FBF1: variants seen among roughly 807,000 people sequenced by gnomAD.
FBF1 encodes fas-binding factor 1.
FBF1 carries 119 observed loss-of-function variants against 147.2 expected under a neutral mutation model. The observed-to-expected ratio is 0.81, with a 90% confidence interval of 0.70 to 0.94. The LOEUF is 0.94. Ranked by LOEUF, FBF1 falls within the 40% of genes least tolerant of loss-of-function variation. FBF1 has a pLI of 0.00. For synonymous variants in FBF1, 601 were observed against 609.0 expected (o/e 0.99, Z 0.19); for missense variants, 1,449 against 1,500.8 (o/e 0.97, Z 0.57).
At position 75,921,468 on chromosome 17, in the gene FBF1, A is replaced by C. The variant is rs2065525857; in HGVS notation, c.1615+4T>G. The C allele has an allele frequency of 1.2e-6, 2 of 1,611,602 alleles. No individual in the cohort carries two copies. Among genetic ancestry groups the C allele is most frequent in the African/African-American group, 2.7e-5 (2 of 75,030 alleles). Reference sequence around the variant, plus strand: ...CCAAATGAAGCAGCAAACAAAAAACAAACCAGTGGCTGAGAGGTCTCCAGG... The same window carrying C: ...CCAAATGAAGCAGCAAACAAAAAACCAACCAGTGGCTGAGAGGTCTCCAGG... On this transcript the variant is annotated splice_donor_region_variant and intron_variant, in intron 16 of 29. Transcript: ENST00000636174.
chr17:75,915,524 C>A (rs1032640575), intron 23 of FBF1, among the ~76,000 whole-genome samples: 1 of 152,222 alleles, frequency 6.6e-6, no homozygotes, highest in South Asian at 2.1e-4. Flanking sequence ...CAGCCACACA[C>A]AGCACAAGGC....
At position 75,909,610 on chromosome 17, in the gene FBF1, TCAGTTTCTG is replaced by T; in HGVS notation, c.*1104_*1112del. 2.0e-6 allele frequency: 1 copy of T among 510,114 alleles called. No individual in the cohort carries two copies. Among genetic ancestry groups the T allele is most frequent in the South Asian group, 3.6e-5 (1 of 27,778 alleles). 31.6% of individuals were successfully genotyped at this position (510,114 alleles called of 1,614,324 possible). The stretch of plus-strand genomic sequence containing the variant: ...GCAGGTTATTTAATCTCCCCGGGCC[TCAGTTTCTG>T]CATGTTTGAAGCAGGGCTAATAGTA... On this transcript the variant is annotated 3_prime_UTR_variant, in exon 30 of 30. Coordinates refer to ENST00000636174, the MANE Select transcript of FBF1 (RefSeq NM_001319193.2).
chr17:75,923,671 G>C lies in FBF1; in HGVS notation c.969-30C>G, dbSNP rs776179431. 40 of 1,543,198 alleles carry C rather than the reference G, an allele frequency of 2.6e-5. No individual in the cohort carries two copies. The highest frequency in any genetic ancestry group is 3.5e-5 in the Non-Finnish European group (40 of 1,142,764). ...AAGACAGAAAGGAGGGTGTCAGGCA[G>C]GGGAAACAGCCAGTCCCAGTGGCCC... On this transcript the variant is annotated intron_variant, in intron 13 of 29. Transcript: ENST00000636174. This position sits in a 1 kb window ranked among gnomAD's most constrained non-coding sequence, Gnocchi z 4.1.
intron 11 of FBF1, 43 bp from the exon 12 acceptor site, chr17:75,926,206 G>C (rs1214804011): frequency 6.2e-7 from 1 of 1,604,306 alleles, no homozygotes; most frequent in African/African-American, 1.3e-5. Flanking sequence ...GGTATGAGGG[G>C]CTCTCGGGAA....
Position 75,913,761 on chromosome 17 carries a change from G to T in FBF1, c.3188C>A (p.Pro1063His), listed in dbSNP as rs776524607. Reference protein sequence around the residue: ...LQLDRARQDLPSSLVGLFPRA... With the variant: ...LQLDRARQDLHSSLVGLFPRA... ...GGGGAACAGACCCACGAGGCTAGAG[G>T]GCAGGTCCTGTCGTGCGCGGTCCAG... Residue 1063 changes from proline to histidine, a missense_variant, in exon 28 of 30, where the codon CCC (proline) becomes CAC (histidine). Transcript: ENST00000636174. The T allele has an allele frequency of 2.5e-6, 4 of 1,604,678 alleles. No individual in the cohort carries two copies. The African/African-American group carries it at 4.0e-5, about 16-fold the overall frequency.
In FBF1 at chr17:75,925,539, C is replaced by T; in HGVS notation, c.869-93G>A. The T allele has an allele frequency of 8.9e-7, 1 of 1,118,978 alleles. No individual in the cohort carries two copies. Among genetic ancestry groups the T allele is most frequent in the African/African-American group, 1.6e-5 (1 of 64,076 alleles). The allele number at this position is 1,118,978 out of a possible 1,614,324, so 69.3% of individuals were successfully genotyped here. ...TTCTAACAAAAGCTGAATTTGGTAGCTTGTTGTGTAAGACAAGCAGAGGGA... is the reference window on the plus strand; with the variant it reads ...TTCTAACAAAAGCTGAATTTGGTAGTTTGTTGTGTAAGACAAGCAGAGGGA... On this transcript the variant is annotated intron_variant, in intron 12 of 29. Transcript: ENST00000636174. The surrounding 1 kb of genome is among the most constrained non-coding windows in gnomAD (Gnocchi z 5.0).
At chr17:75,913,289 C>T (rs1202959707) in intron 28 of FBF1, among the ~76,000 whole-genome samples, 10 of 151,558 alleles carry the variant, frequency 6.6e-5, no homozygotes, top group Admixed American at 3.3e-4. Context: ...GCTGGGATTA[C>T]GGGCACCTGC....
chr17:75,921,988 T>G lies in FBF1; in HGVS notation c.1483A>C (p.Thr495Pro), dbSNP rs778254557. 70 of 1,551,494 alleles carry G rather than the reference T, an allele frequency of 4.5e-5. No homozygotes were observed. Among genetic ancestry groups the G allele is most frequent in the Non-Finnish European group, 5.9e-5 (68 of 1,146,982 alleles). ...EHAAAGGSSG[T>P]TARERPCVRP... Reference sequence around the variant, plus strand: ...ACACACGGTCTTTCTCGTGCAGTTGTTCCAGAACTCCCTCCAGCAGCTGCG... The same window carrying G: ...ACACACGGTCTTTCTCGTGCAGTTGGTCCAGAACTCCCTCCAGCAGCTGCG... The change falls in exon 15 of 30, where the codon ACA becomes CCA. Residue 495 changes from threonine to proline, a missense_variant. Physicochemically the swap from Thr to Pro is conservative, Grantham distance 38. Transcript: ENST00000636174.
At chr17:75,926,672 C>T (rs1439513093) in intron 10 of FBF1, 86 bp downstream of exon 10, 6 of 1,529,852 alleles carry the variant, frequency 3.9e-6, no homozygotes, top group Non-Finnish European at 5.3e-6. Flanking sequence ...CTGGGAGAGG[C>T]CTCTGGTTCT....
At position 75,922,185 on chromosome 17, in the gene FBF1, TCTC is replaced by T; in HGVS notation, c.1425-142_1425-140del. On this transcript the variant is annotated intron_variant, in intron 14 of 29. Coordinates refer to ENST00000636174, the MANE Select transcript of FBF1 (RefSeq NM_001319193.2). The surrounding 1 kb of genome is among the most constrained non-coding windows in gnomAD (Gnocchi z 5.0). ...CTTCCACCATCCCGTCTTGGGGCAT[TCTC>T]CTCCCACGTCTGAGCTCCTGGGATT... The T allele has an allele frequency of 4.5e-6, 3 of 659,782 alleles. No homozygotes were observed. The East Asian group carries it at 8.5e-5, about 19-fold the overall frequency. The allele number at this position is 659,782 out of a possible 1,614,324, so 40.9% of individuals were successfully genotyped here.
chr17:75,927,847 A>G (rs1353634227), intron 8 of FBF1, among the ~76,000 whole-genome samples: 1 of 152,188 alleles, frequency 6.6e-6, no homozygotes, highest in Non-Finnish European at 1.5e-5. Flanking sequence ...TGTTGGACCC[A>G]GAGGGCCTGG....
intron 6 of FBF1, 86 bp from the exon 7 acceptor site, chr17:75,930,133 C>A: frequency 9.3e-7 from 1 of 1,075,556 alleles, no homozygotes; most frequent in Admixed American, 2.0e-5. Context: ...CCCCTTGCTT[C>A]TGTTAGGGCA....
intron 5 of FBF1, 86 bp from the exon 6 acceptor site, chr17:75,931,375 G>C: frequency 8.3e-7 from 1 of 1,211,664 alleles, no homozygotes; most frequent in Admixed American, 2.0e-5. Flanking sequence ...GAAAGCCCAA[G>C]GAATCTCGGA....
In FBF1 at chr17:75,914,038, T is replaced by C. The variant is rs761938623; in HGVS notation, c.3004A>G (p.Lys1002Glu). ...AATGCCCGCTCCCCCTCCTCGTACTTCTCGGAGGCCACCTGCAGGGAGGCC... is the reference window on the plus strand; with the variant it reads ...AATGCCCGCTCCCCCTCCTCGTACTCCTCGGAGGCCACCTGCAGGGAGGCC... ...VESMSKVASEKYEEGERALRE... is the reference protein window; with the variant it reads ...VESMSKVASEEYEEGERALRE... The change falls in exon 27 of 30, where the codon AAG becomes GAG. Residue 1002 changes from lysine (K) to glutamate (E), a missense_variant. Coordinates refer to ENST00000636174, the MANE Select transcript of FBF1 (RefSeq NM_001319193.2). 1.1e-4 allele frequency: 168 copies of C among 1,589,634 alleles called. No individual in the cohort carries two copies. The highest frequency in any genetic ancestry group is 1.3e-4 in the Non-Finnish European group (158 of 1,175,100).
rs2065585411 is a variant in FBF1, at chr17:75,930,057, CA to C, written c.229-11del. 6.5e-7 allele frequency: 1 copy of C among 1,529,978 alleles called. No individual in the cohort carries two copies. The highest frequency in any genetic ancestry group is 2.0e-5 in the Admixed American group (1 of 50,914). 94.8% of individuals were successfully genotyped at this position (1,529,978 alleles called of 1,614,324 possible). A position where few individuals can be genotyped will look rare whatever the true frequency, so the allele number is the denominator to read the frequency against. ...CTGAGATACCTGAAACCTAAGTCCA[CA>C]ATGAGGGTGAGGACACAGATGAGGA... On this transcript the variant is annotated splice_polypyrimidine_tract_variant and intron_variant, in intron 6 of 29. Coordinates refer to ENST00000636174, the MANE Select transcript of FBF1 (RefSeq NM_001319193.2).
At chr17:75,939,245 G>A (rs1011274674) in intron 1 of FBF1, among the ~76,000 whole-genome samples, 10 of 145,966 alleles carry the variant, frequency 6.9e-5, no homozygotes, top group Non-Finnish European at 8.9e-5. Context: ...GCAGTGAGCC[G>A]AGATCGCCCC....
In FBF1 at chr17:75,926,069, T is replaced by G; in HGVS notation, c.829A>C (p.Arg277=). 1.2e-6 allele frequency: 2 copies of G among 1,612,606 alleles called. No individual in the cohort carries two copies. The highest frequency in any genetic ancestry group is 4.5e-5 in the East Asian group (2 of 44,872). The change falls in exon 12 of 30, where the codon AGG becomes CGG. Residue 277 remains arginine, a synonymous_variant. Coordinates refer to ENST00000636174, the MANE Select transcript of FBF1 (RefSeq NM_001319193.2). ...LLARPGTGEH[R]EFKLDKKYQR... is the part of the protein sequence containing the mutation. ...TACTTCTTGTCTAGCTTGAACTCCC[T>G]GTGCTCCCCGGTGCCCGGGCGGGCC...
chr17:75,912,362 G>T, intron 28 of FBF1, 55 bp from the exon 29 acceptor site: 2 of 1,381,766 alleles, frequency 1.4e-6, no homozygotes, highest in East Asian at 2.5e-5. Context: ...AATACCGGGC[G>T]GTCACAGCTT....
intron 10 of FBF1, 116 bp downstream of exon 10, chr17:75,926,642 C>G (rs895118534): frequency 6.8e-7 from 1 of 1,467,538 alleles, no homozygotes; most frequent in South Asian, 1.3e-5. Context: ...TGTACTGGAC[C>G]TTAGACCTCT....
Sources: allele counts gnomAD v4.1 joint callset (sites outside exome capture counted in the v4.1 genomes callset), GRCh38; gene constraint gnomAD v4.1.1; non-coding constraint Gnocchi (gnomAD v3.1); transcripts MANE v1.5; gene names NCBI Gene and HGNC (gene_info 2026-07-23, HGNC 2026-07-21).